Variants in NEO1 observed in about 807,000 individuals in gnomAD.
NEO1 encodes the protein neogenin.
A neutral mutation model predicts 159.7 loss-of-function variants in NEO1; 63 were observed. That is an observed-to-expected ratio of 0.39 (90% confidence interval 0.32 to 0.49). The LOEUF (loss-of-function observed/expected upper bound fraction) is 0.49. Among genes scored for constraint, NEO1 ranks in the 20% least tolerant of loss-of-function variants. NEO1 has a pLI of 0.85. For missense variants in NEO1, 1,615 were observed against 1,831.0 expected (o/e 0.88, Z 2.15); for synonymous variants, 633 against 662.0 (o/e 0.96, Z 0.67).
chr15:73,282,924 T>G, intron 22 of NEO1, 40 bp from the exon 23 acceptor site: 1 of 1,590,988 alleles, frequency 6.3e-7, no homozygotes, highest in Non-Finnish European at 8.6e-7. Context: ...ATGTTTTAAA[T>G]TCTCTAACCC....
At chr15:73,125,906 G>A (rs1039278668) in intron 3 of NEO1, among the ~76,000 whole-genome samples, 1 of 151,730 alleles carries the variant, frequency 6.6e-6, no homozygotes, top group African/African-American at 2.4e-5. Context: ...TGTGAGTAAG[G>A]AGAATGCCAT....
rs1050275754 is a variant in NEO1 at position 73,258,691 on chromosome 15, C to T, written c.2093-75C>T. ...CTGAGTTGGTGACTGAGATGTTTGC[C>T]TTAATGAGGGATTATTAATCTTTTG... On this transcript the variant is annotated intron_variant, in intron 13 of 28. Transcript: ENST00000261908. The T allele has an allele frequency of 5.5e-6, 7 of 1,264,980 alleles. No individual in the cohort carries two copies. The Admixed American group carries it at 1.2e-4, about 22-fold the overall frequency. The allele number at this position is 1,264,980 out of a possible 1,614,324, so 78.4% of individuals were successfully genotyped here.
chr15:73,183,846 A>C lies in NEO1; in HGVS notation c.1291+5419A>C, dbSNP rs1242130066. On this transcript the variant is annotated intron_variant, in intron 7 of 28. Coordinates refer to ENST00000261908, the MANE Select transcript of NEO1 (RefSeq NM_002499.4). ...GAATTTGAAACCTATAGTATACTTAAGGTAACTATAACAATAAAATCCATT... is the reference window on the plus strand; with the variant it reads ...GAATTTGAAACCTATAGTATACTTACGGTAACTATAACAATAAAATCCATT... Among the ~76,000 whole-genome samples, 4 of 152,204 alleles carry C rather than the reference A, an allele frequency of 2.6e-5. 1 individual carries two copies. Among genetic ancestry groups the C allele is most frequent in the Admixed American group, 2.6e-4 (4 of 15,280 alleles).
chr15:73,184,746 G>T (rs897930814), intron 7 of NEO1, among the ~76,000 whole-genome samples: 7 of 152,058 alleles, frequency 4.6e-5, no homozygotes, highest in Non-Finnish European at 1.0e-4. Context: ...TGGCCAACTT[G>T]GCAAAACCCC....
chr15:73,072,870 AT>A (rs776138633), intron 1 of NEO1, among the ~76,000 whole-genome samples: 3 of 152,156 alleles, frequency 2.0e-5, no homozygotes, highest in Non-Finnish European at 4.4e-5. Context: ...TTGGTGATGG[AT>A]TGGATATGGT....
rs1216742166 is a variant in NEO1 at position 73,272,504 on chromosome 15, A to G, written c.2907A>G (p.Lys969=). The G allele has an allele frequency of 1.9e-6, 3 of 1,614,114 alleles. No individual in the cohort carries two copies. The change falls in exon 19 of 29, where the codon AAA becomes AAG. Residue 969 remains lysine, a synonymous_variant. Transcript: ENST00000261908. The part of the protein sequence containing the change: ...KDVTVVSKEG[K]PKTIIVNWQP... ...TGACTGTTGTGAGTAAAGAGGGGAAACCTAAGACCATAATTGTGAATTGGC... is the reference window on the plus strand; with the variant it reads ...TGACTGTTGTGAGTAAAGAGGGGAAGCCTAAGACCATAATTGTGAATTGGC...
Position 73,052,536 on chromosome 15 carries a change from G to C in NEO1, c.-140G>C. The C allele has an allele frequency of 2.9e-6, 1 of 343,772 alleles. No homozygotes were observed. 21.3% of individuals were successfully genotyped at this position (343,772 alleles called of 1,614,324 possible). A position where few individuals can be genotyped will look rare whatever the true frequency, so the allele number is the denominator to read the frequency against. On this transcript the variant is annotated 5_prime_UTR_variant, in exon 1 of 29. Coordinates refer to ENST00000261908, the MANE Select transcript of NEO1 (RefSeq NM_002499.4). ...CAGCGAGAGGGGCTGCGCGGGCCGG[G>C]CCGGGCCGGGCTGGGCTGGAGCAGC...
chr15:73,236,383 G>A lies in NEO1; in HGVS notation c.1328G>A (p.Arg443Gln), dbSNP rs747720567. Residue 443 changes from arginine (R) to glutamine (Q), a missense_variant, in exon 8 of 29, where the codon CGG becomes CAG. Around this residue, in one of 3 missense-constraint regions of NEO1, gnomAD observed 1,018 missense variants for 1,115.4 expected, o/e 0.91. Coordinates refer to ENST00000261908, the MANE Select transcript of NEO1 (RefSeq NM_002499.4). ...ACGGGACCACTGCCTTCAGCTCCTC[G>A]GGATGTCGTGGCCTCCCTGGTCTCT... Reference protein sequence around the residue: ...ATTGPLPSAPRDVVASLVSTR... With the variant: ...ATTGPLPSAPQDVVASLVSTR... 1.2e-6 allele frequency: 2 copies of A among 1,614,068 alleles called. No individual in the cohort carries two copies. Among genetic ancestry groups the A allele is most frequent in the Admixed American group, 1.7e-5 (1 of 59,998 alleles).
At chr15:73,152,732 C>T (rs2033473351) in intron 5 of NEO1, among the ~76,000 whole-genome samples, 1 of 151,920 alleles carries the variant, frequency 6.6e-6, no homozygotes, top group South Asian at 2.1e-4. Context: ...ATGCTGTCTG[C>T]AGGTAGATAG....
intron 1 of NEO1, among the ~76,000 whole-genome samples, chr15:73,089,453 C>T (rs2069553375): frequency 6.6e-6 from 1 of 152,010 alleles, no homozygotes; most frequent in Non-Finnish European, 1.5e-5. Flanking sequence ...AATAACTTCT[C>T]CTGGGCATCT....
intron 8 of NEO1, among the ~76,000 whole-genome samples, chr15:73,241,890 A>AT (rs773175238): frequency 1.6e-4 from 24 of 152,144 alleles, no homozygotes; most frequent in Non-Finnish European, 2.9e-4. Flanking sequence ...ACCTTCACTT[A>AT]TTTCTCCCAT....
intron 7 of NEO1, among the ~76,000 whole-genome samples, chr15:73,229,232 A>C (rs2038769594): frequency 6.6e-6 from 1 of 151,988 alleles, no homozygotes; most frequent in African/African-American, 2.4e-5. Flanking sequence ...CCAGTCTTAC[A>C]CTTCTTTTAG....
intron 4 of NEO1, among the ~76,000 whole-genome samples, chr15:73,133,965 C>T (rs1449274081): frequency 6.6e-6 from 1 of 152,100 alleles, no homozygotes; most frequent in Admixed American, 6.5e-5. Flanking sequence ...ATATAAATTA[C>T]TGTATCTCGC....
At chr15:73,154,669 C>T (rs1246815348) in intron 5 of NEO1, among the ~76,000 whole-genome samples, 2 of 152,192 alleles carry the variant, frequency 1.3e-5, no homozygotes, top group Admixed American at 1.3e-4. Flanking sequence ...CGTAGCTAGT[C>T]CTGCTCACTT....
chr15:73,086,047 ATTTC>A (rs1460293998), intron 1 of NEO1, among the ~76,000 whole-genome samples: 2 of 152,038 alleles, frequency 1.3e-5, no homozygotes, highest in African/African-American at 4.8e-5. Context: ...TTTCTCCTTT[ATTTC>A]TTCTAGGAAT....
Position 73,289,708 on chromosome 15 carries a change from C to G in NEO1, c.3742+470C>G, listed in dbSNP as rs556059636. ...CTATAATCCTAGAGTTTTGGGAGAC[C>G]AAAGTGGGAGGATTGCTGGAGGCCA... On this transcript the variant is annotated intron_variant, in intron 25 of 28. Coordinates refer to ENST00000261908, the MANE Select transcript of NEO1 (RefSeq NM_002499.4). Among the ~76,000 whole-genome samples, 3 of 152,148 alleles carry G rather than the reference C, an allele frequency of 2.0e-5. No homozygotes were observed. In the South Asian group the frequency reaches 6.2e-4, roughly 32 times the overall value.
chr15:73,239,972 A>T lies in NEO1; in HGVS notation c.1451+3466A>T, dbSNP rs147388653. On this transcript the variant is annotated intron_variant, in intron 8 of 28. Transcript: ENST00000261908. Reference sequence around the variant, plus strand: ...TGGCAATGCCTGGTACAGCGTCAGTAAGTACCAGTAGAGGTACTTACTGAC... The same window carrying T: ...TGGCAATGCCTGGTACAGCGTCAGTTAGTACCAGTAGAGGTACTTACTGAC... Among the ~76,000 whole-genome samples the T allele has an allele frequency of 3.2e-3, 488 of 152,256 alleles. 2 individuals are homozygous for T. The highest frequency in any genetic ancestry group is 5.9e-3 in the Non-Finnish European group (400 of 68,008).
intron 13 of NEO1, among the ~76,000 whole-genome samples, chr15:73,256,935 A>G (rs542365480): frequency 2.0e-5 from 3 of 152,050 alleles, no homozygotes; most frequent in East Asian, 3.9e-4. Flanking sequence ...CAAAAAATAC[A>G]AAAACTTTAA....
intron 7 of NEO1, among the ~76,000 whole-genome samples, chr15:73,215,671 G>A (rs1191324491): frequency 6.6e-6 from 1 of 152,122 alleles, no homozygotes; most frequent in Non-Finnish European, 1.5e-5. Flanking sequence ...ATAAATTGTT[G>A]GATTTGGTTA....
Sources: gnomAD v4.1 joint callset for allele counts (sites outside exome capture counted in the v4.1 genomes callset) on GRCh38, gnomAD v4.1.1 for gene constraint, gnomAD v4.1.1 regional missense constraint, MANE v1.5 for transcripts, NCBI Gene and HGNC (gene_info 2026-07-23, HGNC 2026-07-21) for gene names.